The following STON1 variants were observed in gnomAD, a reference collection of about 807,000 sequenced individuals.
The protein encoded by STON1 is stonin-1.
In STON1, 79 loss-of-function variants were observed where a neutral mutation model predicts 60.9. The ratio of observed to expected loss-of-function variants is 1.30; its 90% confidence interval spans 1.08 to 1.56. The LOEUF is 1.56. STON1 is among the 40% of genes most tolerant of loss of function. The pLI is 0.00. For synonymous variants in STON1, 363 were observed against 306.9 expected, an observed-to-expected ratio of 1.18 and a Z score of -1.91; for missense variants, 1,166 against 858.9, an observed-to-expected ratio of 1.36 and a Z score of -4.47.
Position 48,595,402 on chromosome 2 carries a change from A to G in STON1, c.*100A>G, listed in dbSNP as rs551758782. 1 of 1,032,620 alleles carries G rather than the reference A, an allele frequency of 9.7e-7. No individual in the cohort carries two copies. Among genetic ancestry groups the G allele is most frequent in the Non-Finnish European group, 1.5e-6 (1 of 683,502 alleles). 64.0% of individuals were successfully genotyped at this position (1,032,620 alleles called of 1,614,324 possible). On this transcript the variant is annotated 3_prime_UTR_variant, in exon 4 of 4. Transcript: ENST00000404752. ...TGTAGAGTGGAAATGACTTCTGAAT[A>G]GCGGTTTTAGGACAGGTCTGATGGC...
At position 48,591,810 on chromosome 2, in the gene STON1, C is replaced by T. The variant is rs368840612; in HGVS notation, c.2088C>T (p.Val696=). 6 of 1,614,118 alleles carry T rather than the reference C, an allele frequency of 3.7e-6. No homozygotes were observed. The African/African-American group carries it at 4.0e-5, about 11-fold the overall frequency. ...EVRSLGVESD[V]QPQKHVQQRA... ...GGTCTCTGGGAGTGGAGAGTGATGT[C>T]CAGCCACAGAAACATGTTCAGCAGC... The change falls in exon 3 of 4, where the codon GTC becomes GTT. Residue 696 remains valine (V), a synonymous_variant. Transcript: ENST00000404752.
At chr2:48,545,367 C>G (rs936243412) in intron 1 of STON1, among the ~76,000 whole-genome samples, 1 of 152,202 alleles carries the variant, frequency 6.6e-6, no homozygotes, top group Non-Finnish European at 1.5e-5. Context: ...CACATATTCC[C>G]ATCTCTGCCA....
chr2:48,538,919 A>G (rs1671543578), intron 1 of STON1, among the ~76,000 whole-genome samples: 1 of 151,666 alleles, frequency 6.6e-6, no homozygotes, highest in Admixed American at 6.6e-5. Flanking sequence ...CTCTCGGCCT[A>G]TTTATTGATT....
At chr2:48,586,350 AC>A (rs1427082048) in intron 2 of STON1, among the ~76,000 whole-genome samples, 1 of 152,186 alleles carries the variant, frequency 6.6e-6, no homozygotes, top group African/African-American at 2.4e-5. Context: ...ACAGACACAA[AC>A]ATGATTCCTA....
At chr2:48,553,166 G>A (rs995244568) in intron 1 of STON1, among the ~76,000 whole-genome samples, 3 of 152,298 alleles carry the variant, frequency 2.0e-5, no homozygotes, top group African/African-American at 7.2e-5. Flanking sequence ...AGCAGTGACA[G>A]CGCCCACCAG....
At chr2:48,551,260 G>A (rs1672092702) in intron 1 of STON1, among the ~76,000 whole-genome samples, 1 of 152,182 alleles carries the variant, frequency 6.6e-6, no homozygotes, top group African/African-American at 2.4e-5. Flanking sequence ...TGTTTCCTGG[G>A]TAAATTTGTT....
chr2:48,553,107 G>A (rs939646169), intron 1 of STON1, among the ~76,000 whole-genome samples: 1 of 152,160 alleles, frequency 6.6e-6, no homozygotes, highest in African/African-American at 2.4e-5. Flanking sequence ...CATTTCAGGG[G>A]TATGACTAGA....
chr2:48,588,179 G>A (rs1674319297), intron 2 of STON1, among the ~76,000 whole-genome samples: 1 of 152,218 alleles, frequency 6.6e-6, no homozygotes, highest in Non-Finnish European at 1.5e-5. Context: ...AACAAGTGCT[G>A]ATGTGACGCC....
chr2:48,581,349 C>T lies in STON1; in HGVS notation c.716C>T (p.Ala239Val), dbSNP rs1378959103. ...ICEKLEHLQSAENQDSLRSLS... is the reference protein window; with the variant it reads ...ICEKLEHLQSVENQDSLRSLS... The stretch of plus-strand genomic sequence containing the variant: ...GAGAAGCTTGAACATCTCCAGTCAG[C>T]TGAGAACCAAGACTCACTTAGAAGT... Residue 239 changes from alanine to valine, a missense_variant, in exon 2 of 4, where the codon GCT becomes GTT. Transcript: ENST00000404752. 3.2e-6 allele frequency: 5 copies of T among 1,554,380 alleles called. No homozygotes were observed. The highest frequency in any genetic ancestry group is 1.7e-4 in the Middle Eastern group (1 of 5,754).
At chr2:48,567,691 C>T (rs1225271263) in intron 1 of STON1, among the ~76,000 whole-genome samples, 1 of 152,234 alleles carries the variant, frequency 6.6e-6, no homozygotes, top group Admixed American at 6.5e-5. Context: ...GCGTGAGCCA[C>T]TGCACCTGGC....
chr2:48,562,457 G>A (rs1572949921), intron 1 of STON1, among the ~76,000 whole-genome samples: 1 of 152,306 alleles, frequency 6.6e-6, no homozygotes, highest in East Asian at 1.9e-4. Flanking sequence ...CTTGTGACAA[G>A]CATTTGTTTA....
intron 1 of STON1, among the ~76,000 whole-genome samples, chr2:48,577,932 AC>A (rs1469617598): frequency 6.6e-6 from 1 of 151,412 alleles, no homozygotes; most frequent in Non-Finnish European, 1.5e-5. Flanking sequence ...AACCAAAAAA[AC>A]AAAAAACCCC....
chr2:48,550,632 G>A (rs1452781571), intron 1 of STON1, among the ~76,000 whole-genome samples: 2 of 150,444 alleles, frequency 1.3e-5, no homozygotes, highest in African/African-American at 4.9e-5. Context: ...ACCAAACCAT[G>A]GGAATATGTA....
intron 1 of STON1, among the ~76,000 whole-genome samples, chr2:48,533,088 TAAAAA>T (rs973046618): frequency 6.7e-6 from 1 of 150,222 alleles, no homozygotes; most frequent in Non-Finnish European, 1.5e-5. Flanking sequence ...CCCCATCTCT[TAAAAA>T]AAAAGATGGG....
Position 48,580,735 on chromosome 2 carries a change from C to T in STON1, c.102C>T (p.Val34=), listed in dbSNP as rs1192716381. ...ATTTTCCTCTGGAGAATCAAGGTGTCTGTAGACCAAATGGACTGAAGCTGA... is the reference window on the plus strand; with the variant it reads ...ATTTTCCTCTGGAGAATCAAGGTGTTTGTAGACCAAATGGACTGAAGCTGA... The part of the protein sequence containing the change: ...SKNFPLENQG[V]CRPNGLKLNL... Residue 34 remains valine (V), a synonymous_variant, in exon 2 of 4, where the codon GTC becomes GTT. Coordinates refer to ENST00000404752, the MANE Select transcript of STON1 (RefSeq NM_006873.4). The T allele has an allele frequency of 2.6e-6, 4 of 1,535,950 alleles. No homozygotes were observed. Among genetic ancestry groups the T allele is most frequent in the Admixed American group, 2.1e-5 (1 of 47,582 alleles).
rs767362299 is a variant in STON1, at chr2:48,582,273, T to A, written c.1640T>A (p.Val547Asp). The A allele has an allele frequency of 2.5e-6, 4 of 1,614,110 alleles. No individual in the cohort carries two copies. The highest frequency in any genetic ancestry group is 2.7e-5 in the African/African-American group (2 of 74,940). Reference protein sequence around the residue: ...QGAYVELQAFVNMASLAQRSS... With the variant: ...QGAYVELQAFDNMASLAQRSS... ...GCATACGTGGAACTTCAGGCTTTTG[T>A]CAACATGGCCTCATTGGCGCAGAGG... Residue 547 changes from valine (V) to aspartate (D), a missense_variant, in exon 2 of 4, where the codon GTC becomes GAC. Val to Asp is a radical substitution (Grantham distance 152, BLOSUM62 -3). Coordinates refer to ENST00000404752, the MANE Select transcript of STON1 (RefSeq NM_006873.4).
At position 48,595,340 on chromosome 2, in the gene STON1, A is replaced by G; in HGVS notation, c.*38A>G. 1 of 1,565,902 alleles carries G rather than the reference A, an allele frequency of 6.4e-7. No individual in the cohort carries two copies. The highest frequency in any genetic ancestry group is 8.8e-7 in the Non-Finnish European group (1 of 1,137,416). On this transcript the variant is annotated 3_prime_UTR_variant, in exon 4 of 4. Transcript: ENST00000404752. ...TTTATGATGACAGCCCACTTGTCAA[A>G]TATGTAATTCACCGAAACCACACCA... is the stretch of plus-strand genomic sequence containing the variant.
chr2:48,545,754 C>T (rs983751876), intron 1 of STON1, among the ~76,000 whole-genome samples: 11 of 152,230 alleles, frequency 7.2e-5, no homozygotes, highest in South Asian at 2.1e-4. Context: ...GCACTGACCT[C>T]ACTTTGTTTA....
At chr2:48,562,618 G>T (rs1419788997) in intron 1 of STON1, among the ~76,000 whole-genome samples, 1 of 152,254 alleles carries the variant, frequency 6.6e-6, no homozygotes, top group South Asian at 2.1e-4. Flanking sequence ...GAAATGCCAT[G>T]AGAGGCCAGG....
Sources: gnomAD v4.1 joint callset for allele counts (sites outside exome capture counted in the v4.1 genomes callset) on GRCh38, gnomAD v4.1.1 for gene constraint, MANE v1.5 for transcripts, NCBI Gene and HGNC (gene_info 2026-07-23, HGNC 2026-07-21) for gene names.